PCDH11Y: variants seen among roughly 807,000 people sequenced by gnomAD.
The protein encoded by PCDH11Y is protocadherin 11 Y-linked, also known as protocadherin-11 Y-linked.
For synonymous variants in PCDH11Y, 9 were observed against 83.6 expected (o/e 0.11, Z 4.87); for missense variants, 12 against 224.8 (o/e 0.05, Z 6.05).
chrY:5,256,900 A>G (rs9786474), intron 2 of PCDH11Y, among the ~76,000 whole-genome samples: 5,129 of 32,950 alleles, frequency 0.16, no homozygotes, highest in African/African-American at 0.6. Context: ...CTATCCTGCA[A>G]TTTTACTAAA....
intron 2 of PCDH11Y, among the ~76,000 whole-genome samples, chrY:5,480,091 T>A: frequency 2.5e-4 from 8 of 31,959 alleles, no homozygotes; most frequent in African/African-American, 9.9e-4. Flanking sequence ...GGAGTTGCGA[T>A]CATTTGGAGG....
chrY:5,008,505 G>C, intron 1 of PCDH11Y, among the ~76,000 whole-genome samples: 1 of 31,785 alleles, frequency 3.1e-5, no homozygotes, highest in Non-Finnish European at 7.7e-5. Context: ...TGTTTTATTA[G>C]TGTCTAGAGA....
At chrY:5,432,287 A>G (rs2053269641) in intron 2 of PCDH11Y, among the ~76,000 whole-genome samples, 1 of 33,411 alleles carries the variant, frequency 3.0e-5, no homozygotes, top group Non-Finnish European at 7.4e-5. Context: ...ACCTCTTTGA[A>G]TAAGTTCATT....
At chrY:5,314,600 C>A in intron 2 of PCDH11Y, among the ~76,000 whole-genome samples, 7 of 27,661 alleles carry the variant, frequency 2.5e-4, no homozygotes, top group Non-Finnish European at 5.8e-4. Context: ...AATGTGGTCC[C>A]ATTTTTCCTC....
intron 3 of PCDH11Y, among the ~76,000 whole-genome samples, chrY:5,043,417 T>C: frequency 3.0e-5 from 1 of 33,580 alleles, no homozygotes; most frequent in African/African-American, 1.2e-4. Context: ...TTACATTTAT[T>C]GATTTGCGTA....
At chrY:5,713,523 T>C (rs2053587773) in intron 4 of PCDH11Y, among the ~76,000 whole-genome samples, 3 of 31,680 alleles carry the variant, frequency 9.5e-5, no homozygotes, top group African/African-American at 2.5e-4. Flanking sequence ...TGTTCCAGAA[T>C]TGTGTGAGAT....
intron 3 of PCDH11Y, among the ~76,000 whole-genome samples, chrY:5,527,211 A>C: frequency 3.0e-5 from 1 of 33,393 alleles, no homozygotes; most frequent in East Asian, 7.9e-4. Context: ...TTAAAACCTC[A>C]AAAAGAGGGA....
At chrY:5,059,390 T>C (rs2124628609) in intron 1 of PCDH11Y, among the ~76,000 whole-genome samples, 1 of 33,386 alleles carries the variant, frequency 3.0e-5, no homozygotes, top group East Asian at 7.9e-4. Flanking sequence ...TAAAAAACGT[T>C]TATTTGGACA....
intron 4 of PCDH11Y, among the ~76,000 whole-genome samples, chrY:5,699,710 C>T (rs2053575813): frequency 3.0e-4 from 10 of 32,802 alleles, no homozygotes; most frequent in African/African-American, 4.8e-4. Context: ...GTTGGCCCTC[C>T]CCCTGGGATC....
chrY:5,062,738 C>A, intron 1 of PCDH11Y, among the ~76,000 whole-genome samples: 1 of 33,127 alleles, frequency 3.0e-5, no homozygotes, highest in Non-Finnish European at 7.5e-5. Context: ...TATGGATGGA[C>A]ACTTATGGAA....
At chrY:5,187,354 A>G in intron 2 of PCDH11Y, among the ~76,000 whole-genome samples, 1 of 32,805 alleles carries the variant, frequency 3.0e-5, no homozygotes, top group Non-Finnish European at 7.5e-5. Flanking sequence ...GCACTGCACT[A>G]GCAGAGGTTC....
chrY:5,365,405 A>G, intron 2 of PCDH11Y, among the ~76,000 whole-genome samples: 4 of 32,708 alleles, frequency 1.2e-4, no homozygotes, highest in Admixed American at 1.2e-3. Flanking sequence ...CTCATTTAGC[A>G]TCCAATCTAA....
chrY:5,244,192 G>C, intron 2 of PCDH11Y, among the ~76,000 whole-genome samples: 2 of 33,571 alleles, frequency 6.0e-5, no homozygotes, highest in Admixed American at 2.7e-4. Context: ...ATGAAATTGA[G>C]CCAGCAATCA....
intron 4 of PCDH11Y, among the ~76,000 whole-genome samples, chrY:5,655,876 CT>C (rs34534554): frequency 1.1e-4 from 1 of 9,422 alleles, no homozygotes. Context: ...GGATAAAAGG[CT>C]TTTTTTTTTT....
downstream of PCDH11Y, among the ~76,000 whole-genome samples, chrY:5,109,324 G>A (rs2525200): frequency 1.7e-3 from 58 of 33,584 alleles, no homozygotes; most frequent in South Asian, 0.037. Context: ...TTTATTGTAC[G>A]TGTGATACAC....
intron 2 of PCDH11Y, among the ~76,000 whole-genome samples, chrY:5,458,084 G>GT (rs2124683494): frequency 3.1e-5 from 1 of 32,253 alleles, no homozygotes; most frequent in East Asian, 8.1e-4. Context: ...TTGTACAAAC[G>GT]TTTTTTTTGT....
intron 2 of PCDH11Y, among the ~76,000 whole-genome samples, chrY:5,447,095 G>A (rs2124682313): frequency 3.0e-5 from 1 of 33,678 alleles, no homozygotes; most frequent in East Asian, 7.9e-4. Context: ...TTGGGTTTAT[G>A]TCTAGGCATT....
chrY:5,538,253 A>G (rs2053402347), intron 3 of PCDH11Y, among the ~76,000 whole-genome samples: 1 of 33,895 alleles, frequency 3.0e-5, no homozygotes, highest in African/African-American at 1.1e-4. Flanking sequence ...GCATGATCTA[A>G]TGTATGTTTT....
intron 4 of PCDH11Y, among the ~76,000 whole-genome samples, chrY:5,593,184 T>G: frequency 6.1e-5 from 2 of 32,842 alleles, no homozygotes. Context: ...ATTCCATTTT[T>G]TTGGAGGTTT....
Sources: allele counts gnomAD v4.1 joint callset (sites outside exome capture counted in the v4.1 genomes callset), GRCh38; gene constraint gnomAD v4.1.1; transcripts MANE v1.5; gene names NCBI Gene and HGNC (gene_info 2026-07-23, HGNC 2026-07-21).